Variants in TTC17 observed in about 807,000 individuals in gnomAD.
The protein encoded by TTC17 is tetratricopeptide repeat protein 17.
Under a neutral mutation model 143.8 loss-of-function variants are expected in TTC17, and 58 were observed. The observed-to-expected ratio is 0.40, with a 90% confidence interval of 0.33 to 0.50. TTC17 has a LOEUF of 0.50. TTC17 is among the 20% of genes least tolerant of loss of function. The pLI, the probability that TTC17 is intolerant of heterozygous loss-of-function variation, is 0.49. For missense variants in TTC17, 1,273 were observed against 1,392.5 expected (o/e 0.91, Z 1.37); for synonymous variants, 501 against 497.8 (o/e 1.01, Z -0.09).
chr11:43,450,364 C>T (rs535562202), intron 20 of TTC17, 123 bp downstream of exon 20: 11 of 1,201,266 alleles, frequency 9.2e-6, no homozygotes, highest in South Asian at 3.6e-5. Context: ...TTCAGTTAGG[C>T]ATCACCTAGG....
chr11:43,361,794 T>C (rs1023331675), intron 1 of TTC17, among the ~76,000 whole-genome samples: 3 of 152,214 alleles, frequency 2.0e-5, no homozygotes, highest in African/African-American at 4.8e-5. Context: ...AGTGACCTAC[T>C]ACCAGGCAAA....
intron 2 of TTC17, among the ~76,000 whole-genome samples, chr11:43,389,112 A>C (rs1039882098): frequency 1.3e-5 from 2 of 151,466 alleles, no homozygotes; most frequent in Admixed American, 1.3e-4. Flanking sequence ...CAGCACTCCA[A>C]CCTGGGTGAC....
At chr11:43,423,574 C>G (rs1470373987) in intron 16 of TTC17, among the ~76,000 whole-genome samples, 1 of 152,126 alleles carries the variant, frequency 6.6e-6, no homozygotes, top group Non-Finnish European at 1.5e-5. Flanking sequence ...TGAATTGATT[C>G]ATTTGCAAGC....
intron 18 of TTC17, among the ~76,000 whole-genome samples, chr11:43,447,249 AAACTT>A (rs1309434932): frequency 5.3e-5 from 8 of 152,276 alleles, no homozygotes; most frequent in African/African-American, 1.9e-4. Context: ...AAAATGGAAA[AAACTT>A]AACCACATGA....
chr11:43,407,019 T>A, intron 13 of TTC17, 119 bp from the exon 14 acceptor site: 1 of 659,756 alleles, frequency 1.5e-6, no homozygotes, highest in Non-Finnish European at 2.6e-6. Context: ...TGATCATAAA[T>A]ATTTGTTCAA....
intron 18 of TTC17, chr11:43,445,990 A>T: frequency 6.5e-7 from 1 of 1,530,140 alleles, no homozygotes; most frequent in East Asian, 2.4e-5. Flanking sequence ...GATTTCAGCA[A>T]GGCATTTAAC....
chr11:43,402,449 CAT>C (rs1418187273), intron 10 of TTC17, among the ~76,000 whole-genome samples: 1 of 152,070 alleles, frequency 6.6e-6, no homozygotes, highest in African/African-American at 2.4e-5. Context: ...TACACACACA[CAT>C]ACACATATAC....
At chr11:43,413,180 G>A (rs1330615916) in intron 15 of TTC17, among the ~76,000 whole-genome samples, 3 of 152,138 alleles carry the variant, frequency 2.0e-5, no homozygotes, top group African/African-American at 4.8e-5. Context: ...AGACCACCAT[G>A]AATATGGCCA....
chr11:43,406,797 A>T (rs1858159684), intron 13 of TTC17, among the ~76,000 whole-genome samples: 1 of 152,234 alleles, frequency 6.6e-6, no homozygotes, highest in Non-Finnish European at 1.5e-5. Context: ...AAGGAAAGAC[A>T]GTAGATTTTT....
Position 43,458,808 on chromosome 11 carries a change from G to A in TTC17, c.3030+7543G>A, listed in dbSNP as rs148096079. 7.3e-3 allele frequency among the ~76,000 whole-genome samples: 1,117 copies of A among 152,150 alleles called. 16 individuals are homozygous for A. Among genetic ancestry groups the A allele is most frequent in the African/African-American group, 0.026 (1,060 of 41,484 alleles). ...GTACAGTATTAATAAGACATTTTGA[G>A]GTAGAGAAAGATGCAGACCACATCC... is the stretch of plus-strand genomic sequence containing the variant. On this transcript the variant is annotated intron_variant, in intron 21 of 23. Coordinates refer to ENST00000039989, the MANE Select transcript of TTC17 (RefSeq NM_018259.6).
At position 43,358,931 on chromosome 11, in the gene TTC17, G is replaced by C. The variant is rs768386406; in HGVS notation, c.-24G>C. On this transcript the variant is annotated 5_prime_UTR_variant, in exon 1 of 24. Transcript: ENST00000039989. ...GGAGACTAGCTTCCGCTTCCGGTGT[G>C]AGCGGCCCGGCCGGGGGGGCAAGAT... 3.9e-6 allele frequency: 6 copies of C among 1,556,810 alleles called. No individual in the cohort carries two copies. In the Admixed American group the frequency reaches 7.5e-5, roughly 19 times the overall value.
intron 18 of TTC17, among the ~76,000 whole-genome samples, chr11:43,444,722 TACACACACACACACACAC>T (rs10638143): frequency 1.2e-4 from 17 of 143,554 alleles, no homozygotes; most frequent in African/African-American, 4.1e-4. Flanking sequence ...ACCAAATACA[TACACACACACACACACAC>T]ACACACACAC....
chr11:43,439,468 T>G lies in TTC17; in HGVS notation c.2252-3857T>G, dbSNP rs1426062113. Reference sequence around the variant, plus strand: ...CATAGCTTCATGTCTTGTTTTTTTTTGGTTTTTTTTTTTTTTTGAGATGGA... The same window carrying G: ...CATAGCTTCATGTCTTGTTTTTTTTGGGTTTTTTTTTTTTTTTGAGATGGA... On this transcript the variant is annotated intron_variant, in intron 16 of 23. Coordinates refer to ENST00000039989, the MANE Select transcript of TTC17 (RefSeq NM_018259.6). 1.1e-4 allele frequency among the ~76,000 whole-genome samples: 17 copies of G among 150,910 alleles called. No individual in the cohort carries two copies. In the East Asian group the frequency reaches 3.3e-3, roughly 30 times the overall value.
At chr11:43,486,698 A>G (rs944733314) in intron 21 of TTC17, among the ~76,000 whole-genome samples, 36 of 152,304 alleles carry the variant, frequency 2.4e-4, no homozygotes, top group Admixed American at 1.6e-3. Context: ...TACAGCATGA[A>G]TATGTTTTAC....
chr11:43,360,781 G>C (rs1027419496), intron 1 of TTC17, among the ~76,000 whole-genome samples: 1 of 151,880 alleles, frequency 6.6e-6, no homozygotes, highest in Non-Finnish European at 1.5e-5. Flanking sequence ...GGGAAGGCAG[G>C]GGTTACTGGA....
At chr11:43,445,185 T>A (rs1947514478) in intron 18 of TTC17, among the ~76,000 whole-genome samples, 1 of 152,212 alleles carries the variant, frequency 6.6e-6, no homozygotes, top group Non-Finnish European at 1.5e-5. Flanking sequence ...ACCTTAATCA[T>A]TATGCTATAT....
At chr11:43,383,648 C>T (rs917574483) in intron 2 of TTC17, among the ~76,000 whole-genome samples, 4 of 151,930 alleles carry the variant, frequency 2.6e-5, no homozygotes, top group African/African-American at 7.3e-5. Flanking sequence ...GGATTACAGG[C>T]GGGAGCCACC....
chr11:43,445,947 G>A, intron 18 of TTC17: 1 of 1,408,010 alleles, frequency 7.1e-7, no homozygotes, highest in South Asian at 1.2e-5. Flanking sequence ...TAGACTGGAA[G>A]ACCAGGAAAG....
At chr11:43,471,616 G>A (rs61884791) in intron 21 of TTC17, among the ~76,000 whole-genome samples, 26,106 of 152,194 alleles carry the variant, frequency 0.17, 2,951 homozygotes, top group Non-Finnish European at 0.24. Flanking sequence ...CCCTTCCCAC[G>A]GGGGAAGATT....
Sources: allele counts gnomAD v4.1 joint callset (sites outside exome capture counted in the v4.1 genomes callset), GRCh38; gene constraint gnomAD v4.1.1; transcripts MANE v1.5; gene names NCBI Gene and HGNC (gene_info 2026-07-23, HGNC 2026-07-21).